DIAPH3: variants seen among roughly 807,000 people sequenced by gnomAD.
DIAPH3 encodes the protein diaphanous related formin 3.
In DIAPH3, 117 loss-of-function variants were observed where a neutral mutation model predicts 144.3. That is an observed-to-expected ratio of 0.81 (90% CI 0.70 to 0.95). The LOEUF (loss-of-function observed/expected upper bound fraction) is 0.95. DIAPH3 is among the 40% of genes least tolerant of loss of function. DIAPH3 has a pLI of 0.00. For synonymous variants in DIAPH3, 519 were observed against 488.9 expected (o/e 1.06, Z -0.81); for missense variants, 1,421 against 1,412.7 (o/e 1.01, Z -0.09).
chr13:60,010,486 TG>T (rs2140947113), intron 8 of DIAPH3, 46 bp downstream of exon 8: 2 of 1,494,020 alleles, frequency 1.3e-6, no homozygotes, highest in East Asian at 4.9e-5. Flanking sequence ...TGAATCAATC[TG>T]TATTAAATTA....
Position 60,019,670 on chromosome 13 carries a change from G to A in DIAPH3, c.627-3525C>T, listed in dbSNP as rs9592009. 9.5e-3 allele frequency among the ~76,000 whole-genome samples: 1,437 copies of A among 151,100 alleles called. 14 individuals carry two copies. Among genetic ancestry groups the A allele is most frequent in the South Asian group, 0.017 (83 of 4,782 alleles). On this transcript the variant is annotated intron_variant, in intron 5 of 27. Coordinates refer to ENST00000400324, the MANE Select transcript of DIAPH3 (RefSeq NM_001042517.2). ...TTCCCAGAATTACAATGTTTAACCC[G>A]CCTTTAAATGTTCAAAAGCAGCTTA... is the stretch of plus-strand genomic sequence containing the variant.
At chr13:59,674,874 G>C (rs1451031398) in intron 27 of DIAPH3, among the ~76,000 whole-genome samples, 4 of 152,182 alleles carry the variant, frequency 2.6e-5, no homozygotes, top group Non-Finnish European at 5.9e-5. Flanking sequence ...TGGCTTGGCA[G>C]ATATTAAATA....
At chr13:59,980,176 C>G (rs1021628457) in intron 14 of DIAPH3, among the ~76,000 whole-genome samples, 1 of 151,490 alleles carries the variant, frequency 6.6e-6, no homozygotes. Flanking sequence ...TGAGTTGAAA[C>G]AAAACTGGTT....
chr13:59,682,125 A>G (rs980828959), intron 27 of DIAPH3, among the ~76,000 whole-genome samples: 2 of 152,198 alleles, frequency 1.3e-5, no homozygotes, highest in African/African-American at 4.8e-5. Context: ...TGACAAGAGC[A>G]GCAAAATTTA....
chr13:60,155,717 A>T (rs1951999403), intron 1 of DIAPH3, among the ~76,000 whole-genome samples: 1 of 152,224 alleles, frequency 6.6e-6, no homozygotes, highest in Non-Finnish European at 1.5e-5. Context: ...TTAAGCTGAG[A>T]ACTCAATGAA....
intron 20 of DIAPH3, among the ~76,000 whole-genome samples, chr13:59,902,463 C>G (rs1278260573): frequency 6.6e-6 from 1 of 152,178 alleles, no homozygotes; most frequent in African/African-American, 2.4e-5. Context: ...GCAGAACTGT[C>G]AGCCAATTAA....
At chr13:59,963,254 T>C (rs767878377) in intron 17 of DIAPH3, among the ~76,000 whole-genome samples, 5 of 152,154 alleles carry the variant, frequency 3.3e-5, no homozygotes, top group Non-Finnish European at 5.9e-5. Context: ...GCCCAAATGA[T>C]TTAACCTTGA....
At chr13:59,698,364 G>T (rs2033930346) in intron 27 of DIAPH3, among the ~76,000 whole-genome samples, 2 of 151,978 alleles carry the variant, frequency 1.3e-5, no homozygotes, top group African/African-American at 4.8e-5. Flanking sequence ...AACTTAAAAT[G>T]ATGTCTTTTT....
intron 19 of DIAPH3, among the ~76,000 whole-genome samples, chr13:59,912,383 CT>C (rs769796210): frequency 2.0e-5 from 3 of 152,076 alleles, no homozygotes; most frequent in Non-Finnish European, 4.4e-5. Flanking sequence ...AACAAACTAA[CT>C]TTTCTGATGT....
At chr13:59,709,038 A>G (rs1472722297) in intron 27 of DIAPH3, among the ~76,000 whole-genome samples, 2 of 151,642 alleles carry the variant, frequency 1.3e-5, no homozygotes, top group East Asian at 3.9e-4. Flanking sequence ...AGACACATAT[A>G]AACTCTTTAA....
intron 3 of DIAPH3, among the ~76,000 whole-genome samples, chr13:60,110,477 T>G (rs545959580): frequency 1.3e-5 from 2 of 152,298 alleles, no homozygotes; most frequent in East Asian, 3.9e-4. Context: ...CTGAGAAGTT[T>G]GAAAAATATC....
chr13:59,819,491 T>C (rs2040948788), intron 24 of DIAPH3, among the ~76,000 whole-genome samples: 1 of 151,922 alleles, frequency 6.6e-6, no homozygotes, highest in African/African-American at 2.4e-5. Flanking sequence ...CTCAAAAGTA[T>C]ATTGTTTTAT....
chr13:59,960,816 T>C (rs1174112304), intron 17 of DIAPH3, among the ~76,000 whole-genome samples: 1 of 151,828 alleles, frequency 6.6e-6, no homozygotes, highest in East Asian at 1.9e-4. Flanking sequence ...TTACAAATAT[T>C]ATTAGGCCCC....
chr13:59,726,609 A>G (rs1031454231), intron 27 of DIAPH3, among the ~76,000 whole-genome samples: 2 of 152,146 alleles, frequency 1.3e-5, no homozygotes, highest in African/African-American at 2.4e-5. Flanking sequence ...GTACTTAGCC[A>G]TAGATCCAGC....
At chr13:59,888,219 C>T (rs1436928289) in intron 20 of DIAPH3, among the ~76,000 whole-genome samples, 1 of 151,838 alleles carries the variant, frequency 6.6e-6, no homozygotes, top group Non-Finnish European at 1.5e-5. Context: ...GATTAGCACC[C>T]TCATAAAAGA....
intron 7 of DIAPH3, among the ~76,000 whole-genome samples, chr13:60,013,793 C>T (rs2053444358): frequency 6.6e-6 from 1 of 151,868 alleles, no homozygotes; most frequent in African/African-American, 2.4e-5. Flanking sequence ...TAGATGTGAT[C>T]AAATAAAGAT....
Position 59,882,004 on chromosome 13 carries a change from G to C in DIAPH3, c.2368-2536C>G, listed in dbSNP as rs541657994. Among the ~76,000 whole-genome samples the C allele has an allele frequency of 2.0e-5, 3 of 152,228 alleles. No individual in the cohort carries two copies. The East Asian group carries it at 5.8e-4, about 29-fold the overall frequency. On this transcript the variant is annotated intron_variant, in intron 20 of 27. Transcript: ENST00000400324. ...CATATGATGACCCCTAGGCCAAATG[G>C]TTGCCCTTTTTATTTAACAACAAAA...
In DIAPH3 at chr13:60,160,940, G is replaced by A. The variant is rs934283625; in HGVS notation, c.180+2647C>T. On this transcript the variant is annotated intron_variant, in intron 1 of 27. Coordinates refer to ENST00000400324, the MANE Select transcript of DIAPH3 (RefSeq NM_001042517.2). ...CCAACTCACAAGTGACTTGAAGCCC[G>A]CAACTATACATTTGGTAGAAAACAA... Among the ~76,000 whole-genome samples, 11 of 152,148 alleles carry A rather than the reference G, an allele frequency of 7.2e-5. No homozygotes were observed. The South Asian group carries it at 8.3e-4, about 11-fold the overall frequency.
At chr13:60,011,295 T>C (rs922927951) in intron 7 of DIAPH3, among the ~76,000 whole-genome samples, 1 of 151,932 alleles carries the variant, frequency 6.6e-6, no homozygotes, top group African/African-American at 2.4e-5. Context: ...CAGAAGCATA[T>C]GAAACAAACA....
Sources: allele counts gnomAD v4.1 joint callset (sites outside exome capture counted in the v4.1 genomes callset), GRCh38; gene constraint gnomAD v4.1.1; transcripts MANE v1.5; gene names NCBI Gene and HGNC (gene_info 2026-07-23, HGNC 2026-07-21).